FAM24B: variants seen among roughly 807,000 people sequenced by gnomAD.
FAM24B encodes family with sequence similarity 24 member B, also known as protein FAM24B.
A neutral mutation model predicts 2.3 loss-of-function variants in FAM24B; 3 were observed. That is an observed-to-expected ratio of 1.29 (90% CI 0.59 to 3.32). The LOEUF is 3.32. Ranked by LOEUF, FAM24B falls within the 30% of genes most tolerant of loss-of-function variation. The pLI is 0.03. For missense variants in FAM24B, 98 were observed against 117.2 expected (o/e 0.84, Z 0.76); for synonymous variants, 36 against 46.3 (o/e 0.78, Z 0.90).
chr10:122,878,635 G>T (rs1382350790), intron 1 of FAM24B, among the ~76,000 whole-genome samples: 6 of 152,000 alleles, frequency 3.9e-5, no homozygotes, highest in African/African-American at 1.5e-4. Context: ...TGAAACGCAG[G>T]TGAGGAGATA....
chr10:122,863,592 C>T (rs534085480), intron 1 of FAM24B, among the ~76,000 whole-genome samples: 1 of 152,284 alleles, frequency 6.6e-6, no homozygotes, highest in East Asian at 1.9e-4. Context: ...GTCCCTCTCC[C>T]CTGCTCACAT....
intron 1 of FAM24B, among the ~76,000 whole-genome samples, chr10:122,877,857 A>T (rs1183154633): frequency 1.3e-5 from 2 of 152,194 alleles, no homozygotes; most frequent in African/African-American, 4.8e-5. Context: ...CTCCTGTTAT[A>T]CTGTGATAGA....
chr10:122,865,072 T>A, intron 1 of FAM24B, among the ~76,000 whole-genome samples: 1 of 152,236 alleles, frequency 6.6e-6, no homozygotes, highest in Non-Finnish European at 1.5e-5. Flanking sequence ...CTCAGCTGGA[T>A]AAATAACTAG....
At chr10:122,851,809 GT>G (rs1471693231) in intron 2 of FAM24B, among the ~76,000 whole-genome samples, 1 of 152,102 alleles carries the variant, frequency 6.6e-6, no homozygotes, top group Non-Finnish European at 1.5e-5. Flanking sequence ...TACTTTTAAA[GT>G]CTTTTAAATA....
intron 2 of FAM24B, among the ~76,000 whole-genome samples, chr10:122,854,022 A>G (rs1256630566): frequency 6.6e-6 from 1 of 152,204 alleles, no homozygotes; most frequent in Non-Finnish European, 1.5e-5. Context: ...GGTATCAGAG[A>G]ACCTAGAACC....
At chr10:122,853,605 T>C (rs1054993475) in intron 2 of FAM24B, among the ~76,000 whole-genome samples, 2 of 152,178 alleles carry the variant, frequency 1.3e-5, no homozygotes, top group African/African-American at 4.8e-5. Context: ...ATTTGAATTG[T>C]TGACTAGGTG....
intron 1 of FAM24B, among the ~76,000 whole-genome samples, chr10:122,867,069 T>C (rs1477099568): frequency 1.3e-5 from 2 of 152,218 alleles, no homozygotes; most frequent in African/African-American, 2.4e-5. Context: ...AATAGCTTTA[T>C]TGCTGATATG....
intron 1 of FAM24B, among the ~76,000 whole-genome samples, chr10:122,877,880 C>A (rs1848001691): frequency 6.6e-6 from 1 of 152,216 alleles, no homozygotes; most frequent in African/African-American, 2.4e-5. Flanking sequence ...TCCCAAACAA[C>A]CCCTATTGCT....
intron 1 of FAM24B, among the ~76,000 whole-genome samples, chr10:122,859,105 T>C (rs1847687462): frequency 6.6e-6 from 1 of 152,198 alleles, no homozygotes. Flanking sequence ...AAGAACTGAC[T>C]GATTCTACTG....
chr10:122,855,436 AT>A (rs899748599), intron 2 of FAM24B: 2 of 152,202 alleles, frequency 1.3e-5, no homozygotes, highest in Admixed American at 6.5e-5. Context: ...TGTCTAGGTG[AT>A]CCATGCAGAT....
intron 1 of FAM24B, among the ~76,000 whole-genome samples, chr10:122,857,300 AT>A (rs930699483): frequency 6.6e-6 from 1 of 152,206 alleles, no homozygotes; most frequent in African/African-American, 2.4e-5. Flanking sequence ...GGGGATAAGA[AT>A]ATACAGGATA....
intron 2 of FAM24B, among the ~76,000 whole-genome samples, chr10:122,851,833 T>C (rs972307820): frequency 9.2e-5 from 14 of 152,130 alleles, no homozygotes; most frequent in Non-Finnish European, 1.5e-4. Flanking sequence ...TTCAAAGGAA[T>C]CCATGTCCAA....
At chr10:122,872,017 GA>G (rs779622988) in intron 1 of FAM24B, among the ~76,000 whole-genome samples, 13 of 151,802 alleles carry the variant, frequency 8.6e-5, no homozygotes, top group Non-Finnish European at 1.5e-4. Flanking sequence ...CAGAATGGGA[GA>G]AAATTTTTGC....
At chr10:122,870,949 A>G (rs1286146605) in intron 1 of FAM24B, among the ~76,000 whole-genome samples, 1 of 152,114 alleles carries the variant, frequency 6.6e-6, no homozygotes, top group Non-Finnish European at 1.5e-5. Context: ...AATCAGGCAG[A>G]AGAAGGAAAT....
At chr10:122,869,281 A>G (rs577666167) in intron 1 of FAM24B, among the ~76,000 whole-genome samples, 1 of 152,320 alleles carries the variant, frequency 6.6e-6, no homozygotes, top group Non-Finnish European at 1.5e-5. Context: ...CAGATTCATA[A>G]AGCAAGTCCT....
intron 2 of FAM24B, among the ~76,000 whole-genome samples, chr10:122,853,096 C>T (rs1046221600): frequency 3.9e-5 from 6 of 152,128 alleles, no homozygotes; most frequent in Non-Finnish European, 7.4e-5. Context: ...CTTCCTTCTT[C>T]TCTCCACCTA....
At chr10:122,854,725 A>G (rs1408643080) in intron 2 of FAM24B, among the ~76,000 whole-genome samples, 2 of 152,216 alleles carry the variant, frequency 1.3e-5, no homozygotes, top group African/African-American at 4.8e-5. Context: ...CTGTGCTCAG[A>G]ATCAGTGAGT....
intron 1 of FAM24B, among the ~76,000 whole-genome samples, chr10:122,857,413 A>G (rs1847659078): frequency 6.6e-6 from 1 of 152,244 alleles, no homozygotes; most frequent in South Asian, 2.1e-4. Context: ...GGTCCAAAAC[A>G]TGAAGCCAAC....
chr10:122,874,854 C>T (rs1156595161), intron 1 of FAM24B, among the ~76,000 whole-genome samples: 2 of 152,112 alleles, frequency 1.3e-5, no homozygotes, highest in African/African-American at 2.4e-5. Flanking sequence ...CCATTGTTAG[C>T]GTTACTGCAT....
Sources: allele counts gnomAD v4.1 joint callset (sites outside exome capture counted in the v4.1 genomes callset), GRCh38; gene constraint gnomAD v4.1.1; transcripts MANE v1.5; gene names NCBI Gene and HGNC (gene_info 2026-07-23, HGNC 2026-07-21).